The following NRG3 variants were observed in gnomAD, a reference collection of about 807,000 sequenced individuals.
NRG3 encodes pro-neuregulin-3, membrane-bound isoform.
In NRG3, 31 loss-of-function variants were observed where a neutral mutation model predicts 66.9. That is an observed-to-expected ratio of 0.46 (90% CI 0.35 to 0.63). The LOEUF is 0.63. Ranked by LOEUF, NRG3 falls within the 20% of genes least tolerant of loss-of-function variation. NRG3 has a pLI of 0.00. For missense variants in NRG3, 910 were observed against 878.9 expected (o/e 1.04, Z -0.45); for synonymous variants, 393 against 359.4 (o/e 1.09, Z -1.06).
intron 2 of NRG3, among the ~76,000 whole-genome samples, chr10:82,360,872 A>G (rs138786553): frequency 0.13 from 19,102 of 151,580 alleles, 2,228 homozygotes; most frequent in African/African-American, 0.3. Context: ...TCCTTGACTT[A>G]TAGATGGTCA....
chr10:82,289,523 A>G (rs1461916621), intron 1 of NRG3, among the ~76,000 whole-genome samples: 1 of 152,230 alleles, frequency 6.6e-6, no homozygotes, highest in Non-Finnish European at 1.5e-5. Flanking sequence ...TCCTTATAAT[A>G]ACTTGTCTCT....
chr10:82,752,680 G>A (rs184182880), intron 3 of NRG3, among the ~76,000 whole-genome samples: 16 of 152,278 alleles, frequency 1.1e-4, no homozygotes, highest in Admixed American at 9.2e-4. Flanking sequence ...ATGACATTAG[G>A]AGGTAGATTA....
chr10:82,276,185 C>G (rs182511539), intron 1 of NRG3, among the ~76,000 whole-genome samples: 156 of 152,008 alleles, frequency 1.0e-3, no homozygotes, highest in African/African-American at 3.5e-3. Context: ...AGTAATTGTC[C>G]TGAATTCCTA....
At chr10:82,370,956 A>G (rs940285790) in intron 2 of NRG3, among the ~76,000 whole-genome samples, 3 of 151,946 alleles carry the variant, frequency 2.0e-5, no homozygotes, top group Non-Finnish European at 2.9e-5. Context: ...ACAAACACAC[A>G]CACACACACA....
At chr10:82,294,506 A>G (rs2079944257) in intron 1 of NRG3, among the ~76,000 whole-genome samples, 1 of 151,912 alleles carries the variant, frequency 6.6e-6, no homozygotes, top group South Asian at 2.1e-4. Flanking sequence ...ATACAGTCAT[A>G]TGCCACCTGC....
chr10:82,099,137 G>A (rs1191057322), intron 1 of NRG3, among the ~76,000 whole-genome samples: 2 of 152,048 alleles, frequency 1.3e-5, no homozygotes, highest in African/African-American at 4.8e-5. Context: ...ATGGATTATG[G>A]TTTTGCTGTT....
intron 1 of NRG3, among the ~76,000 whole-genome samples, chr10:82,323,956 G>A (rs1008268237): frequency 3.3e-5 from 5 of 151,964 alleles, no homozygotes; most frequent in South Asian, 2.1e-4. Flanking sequence ...CCTCCACCTC[G>A]CAGGTTCAAG....
At position 82,313,463 on chromosome 10, in the gene NRG3, G is replaced by A. The variant is rs147331776; in HGVS notation, c.824-45276G>A. Among the ~76,000 whole-genome samples the A allele has an allele frequency of 3.6e-3, 550 of 152,240 alleles. 3 individuals carry two copies. The highest frequency in any genetic ancestry group is 0.013 in the African/African-American group (531 of 41,534). On this transcript the variant is annotated intron_variant, in intron 1 of 8. Coordinates refer to ENST00000372141, the MANE Select transcript of NRG3 (RefSeq NM_001010848.4). ...TGAGCCAATCCTGAATGTATTTAAT[G>A]TATTAGTCCTATGCTTTAAGGCAGG... is the stretch of plus-strand genomic sequence containing the variant.
intron 1 of NRG3, among the ~76,000 whole-genome samples, chr10:82,357,749 G>A (rs555082017): frequency 6.6e-6 from 1 of 152,274 alleles, no homozygotes; most frequent in Non-Finnish European, 1.5e-5. Flanking sequence ...TGATTTTGAG[G>A]ATTAATTTTC....
chr10:81,994,281 C>T (rs1330705434), intron 1 of NRG3, among the ~76,000 whole-genome samples: 1 of 152,022 alleles, frequency 6.6e-6, no homozygotes, highest in Non-Finnish European at 1.5e-5. Flanking sequence ...TTGGATTTCT[C>T]CCTAATGTCC....
At chr10:82,005,276 C>T (rs76649259) in intron 1 of NRG3, among the ~76,000 whole-genome samples, 3,066 of 152,300 alleles carry the variant, frequency 0.02, 69 homozygotes, top group East Asian at 0.11. Flanking sequence ...CTACATTTCT[C>T]TGCAAATATA....
At chr10:82,607,667 C>A (rs1394484671) in intron 2 of NRG3, among the ~76,000 whole-genome samples, 1 of 151,596 alleles carries the variant, frequency 6.6e-6, no homozygotes, top group Non-Finnish European at 1.5e-5. Context: ...CTTTCTTTTT[C>A]TGCCTTCTCT....
chr10:82,307,308 A>G (rs2080795965), intron 1 of NRG3, among the ~76,000 whole-genome samples: 1 of 152,148 alleles, frequency 6.6e-6, no homozygotes, highest in Non-Finnish European at 1.5e-5. Context: ...TCTGTGAGAG[A>G]TAAGTTAAAA....
intron 2 of NRG3, among the ~76,000 whole-genome samples, chr10:82,710,008 C>A (rs752503325): frequency 2.8e-4 from 42 of 152,204 alleles, no homozygotes; most frequent in Non-Finnish European, 5.4e-4. Flanking sequence ...AGTCCATTCA[C>A]TTTTATTGCA....
chr10:82,180,095 C>A (rs1002208608), intron 1 of NRG3, among the ~76,000 whole-genome samples: 7 of 151,650 alleles, frequency 4.6e-5, no homozygotes, highest in African/African-American at 1.7e-4. Flanking sequence ...TTATATACTA[C>A]AACTTTTGTT....
intron 3 of NRG3, among the ~76,000 whole-genome samples, chr10:82,863,627 T>A (rs1331031931): frequency 6.6e-6 from 1 of 152,196 alleles, no homozygotes; most frequent in Admixed American, 6.5e-5. Context: ...GAGCTTTTTT[T>A]CATATGTTTT....
chr10:82,740,932 T>A (rs1294524688), intron 3 of NRG3, among the ~76,000 whole-genome samples: 1 of 151,964 alleles, frequency 6.6e-6, no homozygotes, highest in Non-Finnish European at 1.5e-5. Context: ...AGGAACATAC[T>A]TTGCCCCAAA....
At position 81,875,240 on chromosome 10, in the gene NRG3, C is replaced by T. The variant is rs1394525880; in HGVS notation, c.-101C>T. On this transcript the variant is annotated 5_prime_UTR_variant, in exon 1 of 9. Coordinates refer to ENST00000372141, the MANE Select transcript of NRG3 (RefSeq NM_001010848.4). The surrounding 1 kb of genome is among the most constrained non-coding windows in gnomAD (Gnocchi z 5.3). ...GGCCGCTGCCTGCGCCCGAGCCCGC[C>T]GCCGCCGCCGGAGCCCGCGCCCGCG... 24 of 724,634 alleles carry T rather than the reference C, an allele frequency of 3.3e-5. No individual in the cohort carries two copies. The highest frequency in any genetic ancestry group is 1.3e-4 in the East Asian group (1 of 7,436). 44.9% of individuals were successfully genotyped at this position (724,634 alleles called of 1,614,324 possible). A position where few individuals can be genotyped will look rare whatever the true frequency, so the allele number is the denominator to read the frequency against.
chr10:82,019,580 G>T (rs1193405006), intron 1 of NRG3, among the ~76,000 whole-genome samples: 1 of 152,030 alleles, frequency 6.6e-6, no homozygotes, highest in African/African-American at 2.4e-5. Context: ...AATTTTTTTG[G>T]TTGGTAAGCT....
Sources: allele counts gnomAD v4.1 joint callset (sites outside exome capture counted in the v4.1 genomes callset), GRCh38; gene constraint gnomAD v4.1.1; non-coding constraint Gnocchi (gnomAD v3.1); transcripts MANE v1.5; gene names NCBI Gene and HGNC (gene_info 2026-07-23, HGNC 2026-07-21).